The following TCF7L2 variants were observed in gnomAD, a reference collection of about 807,000 sequenced individuals.
TCF7L2 encodes the protein transcription factor 7 like 2.
In TCF7L2, 23 loss-of-function variants were observed where a neutral mutation model predicts 77.9. The ratio of observed to expected loss-of-function variants is 0.30; its 90% CI spans 0.21 to 0.42. TCF7L2 has a LOEUF of 0.42. TCF7L2 is among the 10% of genes least tolerant of loss of function. The probability of loss-of-function intolerance (pLI) is 1.00; values close to 1 mark genes in which losing one functional copy is unlikely to be tolerated. For synonymous variants in TCF7L2, 413 were observed against 340.2 expected (o/e 1.21, Z -2.36); for missense variants, 654 against 793.1 (o/e 0.82, Z 2.11).
chr10:113,005,879 G>A (rs1355394879), intron 4 of TCF7L2, among the ~76,000 whole-genome samples: 2 of 152,150 alleles, frequency 1.3e-5, no homozygotes, highest in Admixed American at 6.6e-5. Flanking sequence ...TGAACTGTCT[G>A]GGCCGGTCAC....
At chr10:113,066,470 A>G (rs1262487772) in intron 5 of TCF7L2, among the ~76,000 whole-genome samples, 1 of 152,226 alleles carries the variant, frequency 6.6e-6, no homozygotes, top group Non-Finnish European at 1.5e-5. Context: ...TCTGAATTTC[A>G]GATGCGTAAA....
intron 4 of TCF7L2, among the ~76,000 whole-genome samples, chr10:113,013,440 A>G (rs536437899): frequency 6.6e-6 from 1 of 152,278 alleles, no homozygotes; most frequent in East Asian, 1.9e-4. Context: ...GTTTTTAAAG[A>G]AAGGGGTAAA....
At chr10:113,127,548 T>G (rs1479299891) in intron 5 of TCF7L2, among the ~76,000 whole-genome samples, 3 of 148,598 alleles carry the variant, frequency 2.0e-5, no homozygotes, top group Non-Finnish European at 4.4e-5. Context: ...AAGCTTTCGT[T>G]TTTGTTTTGT....
intron 5 of TCF7L2, among the ~76,000 whole-genome samples, chr10:113,114,698 G>A (rs571566639): frequency 2.0e-5 from 3 of 152,142 alleles, no homozygotes; most frequent in East Asian, 3.9e-4. Context: ...GGCTTTGCAC[G>A]GGAGCACTTA....
intron 5 of TCF7L2, among the ~76,000 whole-genome samples, chr10:113,086,854 C>T (rs989484353): frequency 6.6e-6 from 1 of 151,618 alleles, no homozygotes; most frequent in Non-Finnish European, 1.5e-5. Flanking sequence ...CATCTCCTAC[C>T]CCCCTAAAAT....
intron 5 of TCF7L2, among the ~76,000 whole-genome samples, chr10:113,057,097 A>G (rs993065624): frequency 2.6e-5 from 4 of 152,202 alleles, no homozygotes. Flanking sequence ...TGAGTAGGTG[A>G]TGATCATTAC....
At chr10:113,053,383 G>A (rs756466547) in intron 5 of TCF7L2, among the ~76,000 whole-genome samples, 11 of 152,192 alleles carry the variant, frequency 7.2e-5, no homozygotes, top group Non-Finnish European at 1.5e-4. Context: ...AGTAGAACCT[G>A]CTGGATATGT....
chr10:113,006,550 G>A (rs182475007), intron 4 of TCF7L2, among the ~76,000 whole-genome samples: 3 of 152,204 alleles, frequency 2.0e-5, no homozygotes, highest in Non-Finnish European at 2.9e-5. Context: ...GTGTAACCAC[G>A]ACCCAGATCA....
chr10:112,952,509 C>T (rs1184371377), intron 3 of TCF7L2, among the ~76,000 whole-genome samples: 2 of 152,158 alleles, frequency 1.3e-5, no homozygotes, highest in Non-Finnish European at 1.5e-5. Context: ...CCGGAATGGA[C>T]TCCTCCAAGC....
intron 4 of TCF7L2, among the ~76,000 whole-genome samples, chr10:112,971,955 C>G (rs1186878436): frequency 1.3e-5 from 2 of 151,654 alleles, no homozygotes; most frequent in Non-Finnish European, 2.9e-5. Flanking sequence ...GAGTCTCGCT[C>G]TATTTCCCAG....
At chr10:113,106,846 CAT>C (rs2062387172) in intron 5 of TCF7L2, among the ~76,000 whole-genome samples, 1 of 152,176 alleles carries the variant, frequency 6.6e-6, no homozygotes, top group Non-Finnish European at 1.5e-5. Context: ...AAAGCTCAAA[CAT>C]AGAAATGTAT....
intron 4 of TCF7L2, among the ~76,000 whole-genome samples, chr10:112,969,810 T>C (rs2037838141): frequency 6.6e-6 from 1 of 152,188 alleles, no homozygotes; most frequent in South Asian, 2.1e-4. Flanking sequence ...TGGACCCACA[T>C]TGCAGATGTG....
At chr10:112,967,487 T>G (rs998146264) in intron 4 of TCF7L2, among the ~76,000 whole-genome samples, 3 of 152,154 alleles carry the variant, frequency 2.0e-5, no homozygotes, top group Non-Finnish European at 2.9e-5. Context: ...TATAAAAGGT[T>G]TGGACACAAT....
At chr10:112,959,941 A>G (rs1469562218) in intron 3 of TCF7L2, among the ~76,000 whole-genome samples, 1 of 151,934 alleles carries the variant, frequency 6.6e-6, no homozygotes, top group African/African-American at 2.4e-5. Context: ...GGTAGAGAGG[A>G]AAGTGGACCA....
chr10:112,996,768 G>C (rs2043563080), intron 4 of TCF7L2, among the ~76,000 whole-genome samples: 1 of 152,226 alleles, frequency 6.6e-6, no homozygotes, highest in East Asian at 1.9e-4. Flanking sequence ...ACTGAGGGAA[G>C]TGAAAGTCAT....
At position 113,117,459 on chromosome 10, in the gene TCF7L2, T is replaced by G. The variant is rs148058454; in HGVS notation, c.553-23725T>G. Among the ~76,000 whole-genome samples the G allele has an allele frequency of 1.9e-4, 20 of 104,106 alleles. No homozygotes were observed. The East Asian group carries it at 6.8e-3, about 35-fold the overall frequency. The allele number at this position is 104,106 out of a possible 152,430, so 68.3% of individuals were successfully genotyped here. ...CCTCTCTCTCTCTCTCTCTCTCTCT[T>G]CTCCCCCCAACAAATATAGCTAACG... On this transcript the variant is annotated intron_variant, in intron 5 of 13. Transcript: ENST00000627217.
At chr10:113,044,354 A>G (rs74977925) in intron 5 of TCF7L2, among the ~76,000 whole-genome samples, 1 of 152,340 alleles carries the variant, frequency 6.6e-6, no homozygotes, top group Non-Finnish European at 1.5e-5. Context: ...TTTGTTTCTG[A>G]AGAGTTCAGG....
intron 4 of TCF7L2, among the ~76,000 whole-genome samples, chr10:113,018,699 C>A (rs997532583): frequency 1.3e-5 from 2 of 152,066 alleles, no homozygotes; most frequent in Admixed American, 6.6e-5. Flanking sequence ...AACTCCTGAC[C>A]TCGAGTGATC....
chr10:113,126,914 G>C (rs2065732331), intron 5 of TCF7L2: 4 of 985,610 alleles, frequency 4.1e-6, no homozygotes, highest in East Asian at 1.1e-4. Context: ...GGGCGGGCAG[G>C]GGTGCGCGGT....
Sources: gnomAD v4.1 joint callset for allele counts (sites outside exome capture counted in the v4.1 genomes callset) on GRCh38, gnomAD v4.1.1 for gene constraint, MANE v1.5 for transcripts, NCBI Gene and HGNC (gene_info 2026-07-23, HGNC 2026-07-21) for gene names.